The following TMEFF1 variants were observed in gnomAD, a reference collection of about 807,000 sequenced individuals.
TMEFF1 encodes the protein tomoregulin-1.
In TMEFF1, 20 loss-of-function variants were observed where a neutral mutation model predicts 47.5. The ratio of observed to expected loss-of-function variants is 0.42; its 90% confidence interval spans 0.30 to 0.61. The LOEUF (loss-of-function observed/expected upper bound fraction) is 0.61, where lower values mean the gene tolerates loss of function less well. Ranked by LOEUF, TMEFF1 falls within the 20% of genes least tolerant of loss-of-function variation. The pLI is 0.19. For synonymous variants in TMEFF1, 162 were observed against 166.3 expected, an observed-to-expected ratio of 0.97 and a Z score of 0.20; for missense variants, 411 against 471.1, an observed-to-expected ratio of 0.87 and a Z score of 1.18.
chr9:100,576,084 CTCT>C (rs1332809304), intron 9 of TMEFF1, among the ~76,000 whole-genome samples: 3 of 152,266 alleles, frequency 2.0e-5, no homozygotes, highest in African/African-American at 4.8e-5. Context: ...TTCATCTAAG[CTCT>C]TCTTGTCATT....
intron 1 of TMEFF1, among the ~76,000 whole-genome samples, chr9:100,490,096 T>C (rs1174007762): frequency 6.6e-6 from 1 of 152,180 alleles, no homozygotes; most frequent in Non-Finnish European, 1.5e-5. Context: ...CAAAGGGTAG[T>C]TGGCAGTAGT....
chr9:100,561,815 G>A (rs1305319923), intron 8 of TMEFF1, among the ~76,000 whole-genome samples: 1 of 151,782 alleles, frequency 6.6e-6, no homozygotes, highest in African/African-American at 2.4e-5. Flanking sequence ...TAGGCAATCT[G>A]TCACAAGGTG....
At chr9:100,533,844 G>A (rs1341136037) in intron 5 of TMEFF1, among the ~76,000 whole-genome samples, 2 of 152,142 alleles carry the variant, frequency 1.3e-5, no homozygotes, top group African/African-American at 2.4e-5. Context: ...TCAGCCTCCC[G>A]AGTAGCTGGG....
chr9:100,490,837 G>GT (rs1491557223), intron 1 of TMEFF1, among the ~76,000 whole-genome samples: 305 of 2,866 alleles, frequency 0.11, 2 homozygotes, highest in Admixed American at 0.15. Context: ...TATATGTATG[G>GT]TGTGTGTGTG....
chr9:100,530,082 G>A lies in TMEFF1; in HGVS notation c.560+13311G>A, dbSNP rs1265551129. The stretch of plus-strand genomic sequence containing the variant: ...CACAACATACCAGAATCTCTGGGAC[G>A]CATTCAAAGCAGTGTGTAGAGGGAA... On this transcript the variant is annotated intron_variant, in intron 5 of 9. Coordinates refer to ENST00000374879, the MANE Select transcript of TMEFF1 (RefSeq NM_003692.5). 1.1e-4 allele frequency among the ~76,000 whole-genome samples: 17 copies of A among 151,552 alleles called. No individual in the cohort carries two copies. The East Asian group carries it at 2.1e-3, about 19-fold the overall frequency.
intron 1 of TMEFF1, among the ~76,000 whole-genome samples, chr9:100,478,381 C>T (rs373795003): frequency 7.9e-5 from 12 of 152,298 alleles, no homozygotes; most frequent in South Asian, 6.2e-4. Flanking sequence ...CGTGTAGTGA[C>T]GCAATCTCAG....
chr9:100,544,524 C>T (rs889850023), intron 5 of TMEFF1, among the ~76,000 whole-genome samples: 1 of 152,206 alleles, frequency 6.6e-6, no homozygotes, highest in Non-Finnish European at 1.5e-5. Flanking sequence ...CCTCCCACGA[C>T]ACGTGGGAAT....
chr9:100,574,950 C>T (rs1839318961), intron 9 of TMEFF1, among the ~76,000 whole-genome samples: 1 of 152,160 alleles, frequency 6.6e-6, no homozygotes, highest in South Asian at 2.1e-4. Flanking sequence ...GCCACTTAGA[C>T]ATCACAGTGT....
chr9:100,545,000 A>G (rs1370916970), intron 5 of TMEFF1, among the ~76,000 whole-genome samples: 5 of 152,164 alleles, frequency 3.3e-5, no homozygotes, highest in Admixed American at 6.5e-5. Flanking sequence ...TGCAGGGTAC[A>G]GGTGGCTCTG....
Position 100,561,406 on chromosome 9 carries a change from A to G in TMEFF1, c.785A>G (p.Asp262Gly). Residue 262 changes from aspartate (D) to glycine (G), a missense_variant, in exon 8 of 10, where the codon GAT becomes GGT. Transcript: ENST00000374879. ...TTTATGTTCTTTTAAGATGCTAGTG[A>G]TCAAAGAGAAGATGTTTATATTGGA... ...QYRPDVKDAS[D>G]QREDVYIGNH... 1 of 1,612,736 alleles carries G rather than the reference A, an allele frequency of 6.2e-7. No homozygotes were observed. Among genetic ancestry groups the G allele is most frequent in the African/African-American group, 1.3e-5 (1 of 74,940 alleles).
chr9:100,537,294 T>C (rs1331061778), intron 5 of TMEFF1, among the ~76,000 whole-genome samples: 1 of 152,230 alleles, frequency 6.6e-6, no homozygotes, highest in Non-Finnish European at 1.5e-5. Flanking sequence ...CCTCATATTA[T>C]GAGATACTGA....
intron 7 of TMEFF1, among the ~76,000 whole-genome samples, chr9:100,550,422 T>C (rs1315068087): frequency 6.6e-6 from 1 of 152,232 alleles, no homozygotes; most frequent in African/African-American, 2.4e-5. Flanking sequence ...TAAGAAGTTA[T>C]ACAGAAAGAT....
At position 100,524,506 on chromosome 9, in the gene TMEFF1, A is replaced by G. The variant is rs1838221205; in HGVS notation, c.560+7735A>G. ...GAAGTCAGTGGACAAAGCCATGAGT[A>G]TTGGAGTCACAGGGTCATGGAGAAC... is the stretch of plus-strand genomic sequence containing the variant. On this transcript the variant is annotated intron_variant, in intron 5 of 9. Transcript: ENST00000374879. Among the ~76,000 whole-genome samples the G allele has an allele frequency of 2.0e-5, 3 of 152,210 alleles. No individual in the cohort carries two copies. The South Asian group carries it at 6.2e-4, about 32-fold the overall frequency.
At chr9:100,564,000 G>T (rs1308241130) in intron 8 of TMEFF1, among the ~76,000 whole-genome samples, 3 of 152,172 alleles carry the variant, frequency 2.0e-5, no homozygotes, top group Non-Finnish European at 2.9e-5. Flanking sequence ...CAGTAAACAG[G>T]CAAGGATAAA....
intron 7 of TMEFF1, among the ~76,000 whole-genome samples, chr9:100,554,232 G>A (rs1838876507): frequency 6.6e-6 from 1 of 152,122 alleles, no homozygotes; most frequent in Non-Finnish European, 1.5e-5. Context: ...CAGCTCTTTT[G>A]ATATGTCCTT....
At chr9:100,522,603 A>G (rs985225160) in intron 5 of TMEFF1, among the ~76,000 whole-genome samples, 1 of 151,274 alleles carries the variant, frequency 6.6e-6, no homozygotes, top group Non-Finnish European at 1.5e-5. Context: ...CGCCTGGCTA[A>G]TTTTTGTATT....
intron 1 of TMEFF1, among the ~76,000 whole-genome samples, chr9:100,483,494 T>C (rs1021980237): frequency 8.3e-5 from 8 of 96,440 alleles, no homozygotes; most frequent in African/African-American, 3.0e-4. Flanking sequence ...AGAAACAACA[T>C]CTCAAAAAAC....
intron 5 of TMEFF1, among the ~76,000 whole-genome samples, chr9:100,543,059 G>A (rs1425930048): frequency 6.6e-6 from 1 of 151,868 alleles, no homozygotes; most frequent in Non-Finnish European, 1.5e-5. Context: ...CTCCTGAGTA[G>A]CTGGGATTAC....
chr9:100,500,719 T>G (rs1837741116), intron 2 of TMEFF1, among the ~76,000 whole-genome samples: 1 of 152,260 alleles, frequency 6.6e-6, no homozygotes, highest in Non-Finnish European at 1.5e-5. Flanking sequence ...TGTTGATTGT[T>G]TTCTCATGTG....
Sources: allele counts gnomAD v4.1 joint callset (sites outside exome capture counted in the v4.1 genomes callset), GRCh38; gene constraint gnomAD v4.1.1; transcripts MANE v1.5; gene names NCBI Gene and HGNC (gene_info 2026-07-23, HGNC 2026-07-21).